Variants in NUF2 observed in about 807,000 individuals in gnomAD.
NUF2 encodes the protein NUF2 component of NDC80 kinetochore complex, also known as kinetochore protein Nuf2.
Under a neutral mutation model 61.8 loss-of-function variants are expected in NUF2, and 34 were observed. The ratio of observed to expected loss-of-function variants is 0.55; its 90% CI spans 0.42 to 0.73. The LOEUF (loss-of-function observed/expected upper bound fraction) is 0.73, where lower values mean the gene tolerates loss of function less well. NUF2 is among the 30% of genes least tolerant of loss of function. The pLI, the probability that NUF2 is intolerant of heterozygous loss-of-function variation, is 0.00. For synonymous variants in NUF2, 172 were observed against 181.6 expected, an observed-to-expected ratio of 0.95 and a Z score of 0.42; for missense variants, 445 against 539.1, an observed-to-expected ratio of 0.83 and a Z score of 1.73.
At chr1:163,336,116 T>A (rs1386740089) in intron 5 of NUF2, among the ~76,000 whole-genome samples, 1 of 152,180 alleles carries the variant, frequency 6.6e-6, no homozygotes, top group Non-Finnish European at 1.5e-5. Flanking sequence ...TCATGTCCTT[T>A]TTCTTGGCAT....
intron 5 of NUF2, among the ~76,000 whole-genome samples, chr1:163,335,307 T>G (rs1298015436): frequency 4.6e-5 from 7 of 152,194 alleles, no homozygotes; most frequent in Non-Finnish European, 8.8e-5. Flanking sequence ...TCTAGGCATC[T>G]TGGAACCAAT....
At chr1:163,323,996 C>A (rs1028415356) in intron 1 of NUF2, among the ~76,000 whole-genome samples, 1 of 151,930 alleles carries the variant, frequency 6.6e-6, no homozygotes, top group Non-Finnish European at 1.5e-5. Context: ...TTATACTGTG[C>A]CCTAGACCAA....
chr1:163,336,274 C>T (rs1306344159), intron 5 of NUF2, among the ~76,000 whole-genome samples: 1 of 152,136 alleles, frequency 6.6e-6, no homozygotes, highest in Admixed American at 6.5e-5. Context: ...ATCCTAGTTG[C>T]TTTGGCTTCT....
At chr1:163,324,757 T>C (rs114697879) in intron 1 of NUF2, among the ~76,000 whole-genome samples, 1 of 152,112 alleles carries the variant, frequency 6.6e-6, no homozygotes, top group Non-Finnish European at 1.5e-5. Context: ...GGGAGAGATA[T>C]GAAGAAAATG....
chr1:163,327,323 T>A (rs1182951547), intron 2 of NUF2, among the ~76,000 whole-genome samples, 165 bp from the exon 3 acceptor site: 5 of 152,118 alleles, frequency 3.3e-5, no homozygotes, highest in African/African-American at 1.2e-4. Flanking sequence ...CATCATAAGG[T>A]GTTTTAAAAT....
chr1:163,329,277 A>G (rs181213767), intron 5 of NUF2, among the ~76,000 whole-genome samples: 199 of 152,322 alleles, frequency 1.3e-3, no homozygotes, highest in African/African-American at 4.5e-3. Flanking sequence ...TTTTATCATT[A>G]AAAGAATAGT....
intron 10 of NUF2, among the ~76,000 whole-genome samples, chr1:163,345,203 A>C (rs987417583): frequency 1.3e-5 from 2 of 152,072 alleles, no homozygotes; most frequent in African/African-American, 4.8e-5. Flanking sequence ...AAGGGAAGGA[A>C]TCTTTGTATT....
In NUF2 at chr1:163,355,657, T is replaced by C. The variant is rs1318684571; in HGVS notation, c.*188T>C. 3 of 384,252 alleles carry C rather than the reference T, an allele frequency of 7.8e-6. No homozygotes were observed. The highest frequency in any genetic ancestry group is 6.3e-5 in the African/African-American group (3 of 47,682). The allele number at this position is 384,252 out of a possible 1,614,324, so 23.8% of individuals were successfully genotyped here. A position where few individuals can be genotyped will look rare whatever the true frequency, so the allele number is the denominator to read the frequency against. On this transcript the variant is annotated 3_prime_UTR_variant, in exon 14 of 14. Coordinates refer to ENST00000271452, the MANE Select transcript of NUF2 (RefSeq NM_145697.3). Reference sequence around the variant, plus strand: ...GGCTTTTATTAATTTATAATTAAAATAACTTGTGCAGCTATTCATGTCTCT... The same window carrying C: ...GGCTTTTATTAATTTATAATTAAAACAACTTGTGCAGCTATTCATGTCTCT...
chr1:163,328,318 G>A lies in NUF2; in HGVS notation c.275+14G>A. The stretch of plus-strand genomic sequence containing the variant: ...AGTTACTCATCTGTGAGTAAAGAGT[G>A]ATTTTATTGTCTTCGTCTACATTCG... On this transcript the variant is annotated intron_variant, in intron 4 of 13. Transcript: ENST00000271452. 6.7e-7 allele frequency: 1 copy of A among 1,502,790 alleles called. No homozygotes were observed. Among genetic ancestry groups the A allele is most frequent in the South Asian group, 1.2e-5 (1 of 84,780 alleles). The allele number at this position is 1,502,790 out of a possible 1,614,324, so 93.1% of individuals were successfully genotyped here.
Position 163,345,754 on chromosome 1 carries a change from TA to T in NUF2, c.885del (p.Leu295PhefsTer16). On this transcript the variant is annotated frameshift_variant, in exon 11 of 14. Coordinates refer to ENST00000271452, the MANE Select transcript of NUF2 (RefSeq NM_145697.3). LOFTEE classifies it high-confidence loss of function. ...CCTTCATGTCAGTTGGAAGTGCAGT[TA>T]TATCAAAAGAAAATACAGGACCTTT... ...CLPSCQLEVQ[L>X]YQKKIQDLSD... is the part of the protein sequence containing the mutation. The T allele has an allele frequency of 6.2e-7, 1 of 1,610,152 alleles. No individual in the cohort carries two copies. Among genetic ancestry groups the T allele is most frequent in the African/African-American group, 1.3e-5 (1 of 74,984 alleles).
intron 5 of NUF2, 49 bp from the exon 6 acceptor site, chr1:163,336,702 A>T (rs759201924): frequency 5.3e-6 from 6 of 1,139,738 alleles, no homozygotes; most frequent in Non-Finnish European, 8.0e-6. Flanking sequence ...TCATTTTCAT[A>T]TTATGTTAGT....
chr1:163,347,944 G>GCAATAA lies in NUF2; in HGVS notation c.1124+6_1124+7insCAATAA, dbSNP rs2101688813. 1 of 1,486,444 alleles carries GCAATAA rather than the reference G, an allele frequency of 6.7e-7. No individual in the cohort carries two copies. 92.1% of individuals were successfully genotyped at this position (1,486,444 alleles called of 1,614,324 possible). ...TACAAACGCACAGTAATTGAGTATG[G>GCAATAA]AGTTGTTTTCAATTTTAGTGTATTA... On this transcript the variant is annotated splice_region_variant and intron_variant, in intron 12 of 13. Coordinates refer to ENST00000271452, the MANE Select transcript of NUF2 (RefSeq NM_145697.3).
chr1:163,327,456 A>G (rs755975103), intron 2 of NUF2, 32 bp from the exon 3 acceptor site: 2 of 1,175,606 alleles, frequency 1.7e-6, no homozygotes, highest in African/African-American at 3.0e-5. Context: ...AGAGTTATGC[A>G]TCGGAGTATT....
intron 13 of NUF2, among the ~76,000 whole-genome samples, chr1:163,349,496 CA>C (rs908412145): frequency 2.6e-5 from 4 of 152,214 alleles, no homozygotes; most frequent in Non-Finnish European, 5.9e-5. Flanking sequence ...CCAGAAATCA[CA>C]AAAAATTGCT....
chr1:163,339,300 C>T (rs1650861725), intron 7 of NUF2, 81 bp from the exon 8 acceptor site: 1 of 784,142 alleles, frequency 1.3e-6, no homozygotes, highest in East Asian at 2.6e-5. Flanking sequence ...ATTTCTTCAT[C>T]TCAGTTATTT....
chr1:163,340,071 C>T (rs935193686), intron 8 of NUF2, among the ~76,000 whole-genome samples: 18 of 152,170 alleles, frequency 1.2e-4, no homozygotes, highest in South Asian at 6.2e-4. Context: ...AGGAAGTACT[C>T]GAGGTTATTT....
intron 5 of NUF2, among the ~76,000 whole-genome samples, chr1:163,333,201 T>G (rs1278336760): frequency 6.6e-6 from 1 of 152,204 alleles, no homozygotes; most frequent in Admixed American, 6.5e-5. Context: ...ACATAGTCTT[T>G]GTTCTGAAAT....
intron 8 of NUF2, 65 bp from the exon 9 acceptor site, chr1:163,340,299 C>T (rs1183460133): frequency 7.7e-6 from 9 of 1,163,582 alleles, no homozygotes; most frequent in Admixed American, 1.9e-5. Context: ...TTTTATGAGA[C>T]AGCAGTGAGT....
intron 10 of NUF2, among the ~76,000 whole-genome samples, chr1:163,344,226 A>G (rs1651044141): frequency 6.6e-6 from 1 of 152,130 alleles, no homozygotes; most frequent in Non-Finnish European, 1.5e-5. Flanking sequence ...AACAAAGTAT[A>G]AGGTATGCAT....
Sources: allele counts gnomAD v4.1 joint callset (sites outside exome capture counted in the v4.1 genomes callset), GRCh38; gene constraint gnomAD v4.1.1; transcripts MANE v1.5; gene names NCBI Gene and HGNC (gene_info 2026-07-23, HGNC 2026-07-21).